Variants in C5orf58 observed in about 807,000 individuals in gnomAD.
C5orf58 encodes putative uncharacterized protein C5orf58.
Under a neutral mutation model 2.9 loss-of-function variants are expected in C5orf58, and 2 were observed. The ratio of observed to expected loss-of-function variants is 0.69; its 90% CI spans 0.28 to 2.18. C5orf58 has a LOEUF of 2.18. C5orf58 is among the 30% of genes most tolerant of loss of function. The pLI, the probability that C5orf58 is intolerant of heterozygous loss-of-function variation, is 0.13. For missense variants in C5orf58, 96 were observed against 91.7 expected, an observed-to-expected ratio of 1.05 and a Z score of -0.19; for synonymous variants, 37 against 33.4, an observed-to-expected ratio of 1.11 and a Z score of -0.37.
In C5orf58 at chr5:170,235,034, ATT is replaced by A. The variant is rs754724330; in HGVS notation, c.59_60del (p.Ile20LysfsTer20). On this transcript the variant is annotated frameshift_variant, in exon 3 of 4. Transcript: ENST00000593851. LOFTEE classifies it high-confidence loss of function. ...KLNVDKVIKN[I>X]NTISSELKKI... is the part of the protein sequence containing the mutation. ...AAATGTGGACAAAGTAATTAAAAAT[ATT>A]AACACAATTTCTTCGGAGTTGAAGA... 10 of 1,535,258 alleles carry A rather than the reference ATT, an allele frequency of 6.5e-6. No homozygotes were observed. The East Asian group carries it at 2.3e-4, about 35-fold the overall frequency.
chr5:170,250,021 A>G (rs1303601822), downstream of C5orf58, among the ~76,000 whole-genome samples: 2 of 152,234 alleles, frequency 1.3e-5, no homozygotes, highest in Non-Finnish European at 2.9e-5. Context: ...ATTCATTAAC[A>G]TTATCATAAC....
At chr5:170,237,253 A>G in intron 3 of C5orf58, 1 of 398,384 alleles carries the variant, frequency 2.5e-6, no homozygotes. Flanking sequence ...GTGCACCCTC[A>G]CTTCCTCCCC....
At chr5:170,241,207 T>C (rs1034233513) in intron 3 of C5orf58, among the ~76,000 whole-genome samples, 4 of 152,036 alleles carry the variant, frequency 2.6e-5, no homozygotes, top group Admixed American at 1.3e-4. Flanking sequence ...AGTCAGGTAG[T>C]GTGATGCCTC....
intron 3 of C5orf58, among the ~76,000 whole-genome samples, chr5:170,244,695 A>G (rs1336590487): frequency 1.3e-5 from 2 of 151,626 alleles, no homozygotes; most frequent in Admixed American, 6.6e-5. Context: ...TTTTTTTCAA[A>G]GTTTTCAACT....
chr5:170,246,230 C>T lies in C5orf58; in HGVS notation c.*117C>T. The stretch of plus-strand genomic sequence containing the variant: ...ACAAAATAAAAATAATGTAAACAAG[C>T]AGTTCATGTTCTTGAAGGCTGTTTA... On this transcript the variant is annotated 3_prime_UTR_variant, in exon 4 of 4. Coordinates refer to ENST00000593851, the MANE Select transcript of C5orf58 (RefSeq NM_001102609.3). The T allele has an allele frequency of 1.2e-6, 1 of 855,718 alleles. No homozygotes were observed. The highest frequency in any genetic ancestry group is 2.8e-5 in the East Asian group (1 of 36,266). 53.0% of individuals were successfully genotyped at this position (855,718 alleles called of 1,614,324 possible).
chr5:170,244,453 T>C (rs1203373955), intron 3 of C5orf58, among the ~76,000 whole-genome samples: 2 of 148,220 alleles, frequency 1.3e-5, no homozygotes, highest in Non-Finnish European at 3.0e-5. Flanking sequence ...CATAGTCCCA[T>C]ATTTCTTGGA....
chr5:170,237,234 G>T (rs1008655310), intron 3 of C5orf58: 2 of 398,238 alleles, frequency 5.0e-6, no homozygotes, highest in African/African-American at 4.1e-5. Context: ...AGGATTAAAT[G>T]AACACTCTGT....
chr5:170,234,949 A>C, intron 2 of C5orf58, 28 bp from the exon 3 acceptor site: 1 of 1,059,310 alleles, frequency 9.4e-7, no homozygotes. Context: ...TGATTTATAC[A>C]TTGTTTCTGT....
At chr5:170,250,175 GC>G (rs1465972198), downstream of C5orf58, among the ~76,000 whole-genome samples, 1 of 152,160 alleles carries the variant, frequency 6.6e-6, no homozygotes, top group Non-Finnish European at 1.5e-5. Flanking sequence ...CGAAAAACTA[GC>G]CCTGAGGGTT....
At chr5:170,251,031 G>A (rs537106170), downstream of C5orf58, 5 of 610,218 alleles carry the variant, frequency 8.2e-6, no homozygotes, top group African/African-American at 3.7e-5. Context: ...GTCATTCAAC[G>A]AACATTCAGT....
chr5:170,240,379 T>G (rs1170865847), intron 3 of C5orf58, among the ~76,000 whole-genome samples: 4 of 139,706 alleles, frequency 2.9e-5, no homozygotes, highest in East Asian at 2.1e-4. Context: ...TGAACTAGTT[T>G]ACAGTCCCAC....
Sources: allele counts gnomAD v4.1 joint callset (sites outside exome capture counted in the v4.1 genomes callset), GRCh38; gene constraint gnomAD v4.1.1; transcripts MANE v1.5; gene names NCBI Gene and HGNC (gene_info 2026-07-23, HGNC 2026-07-21).